The following ERC1 variants were observed in gnomAD, a reference collection of about 807,000 sequenced individuals.
The protein encoded by ERC1 is RAB6 interacting protein 2.
Under a neutral mutation model 132.0 loss-of-function variants are expected in ERC1, and 56 were observed. The observed-to-expected ratio is 0.42, with a 90% CI of 0.34 to 0.53. ERC1 has a LOEUF of 0.53. Among genes scored for constraint, ERC1 ranks in the 20% least tolerant of loss-of-function variants. The pLI, the probability that ERC1 is intolerant of heterozygous loss-of-function variation, is 0.03. For missense variants in ERC1, 1,202 were observed against 1,349.9 expected (o/e 0.89, Z 1.72); for synonymous variants, 478 against 476.1 (o/e 1.00, Z -0.05).
intron 2 of ERC1, among the ~76,000 whole-genome samples, chr12:1,075,803 G>A (rs1327936238): frequency 6.6e-6 from 1 of 152,158 alleles, no homozygotes; most frequent in Admixed American, 6.5e-5. Context: ...GGACCATCAC[G>A]AAGATCTTCA....
At chr12:1,196,968 ATATATATAT>A (rs1956369940) in intron 12 of ERC1, among the ~76,000 whole-genome samples, 1 of 67,378 alleles carries the variant, frequency 1.5e-5, no homozygotes, top group Admixed American at 1.3e-4. Context: ...ACACATATAT[ATATATATAT>A]TTTTTTTTTT....
At chr12:1,297,427 C>T (rs1243934791) in intron 15 of ERC1, among the ~76,000 whole-genome samples, 1 of 151,114 alleles carries the variant, frequency 6.6e-6, no homozygotes, top group Non-Finnish European at 1.5e-5. Flanking sequence ...ATGGGCCGGG[C>T]ACTGTGGCTC....
At chr12:1,309,926 GTTTTC>G (rs574489698) in intron 15 of ERC1, among the ~76,000 whole-genome samples, 253 of 148,710 alleles carry the variant, frequency 1.7e-3, no homozygotes, top group African/African-American at 5.8e-3. Flanking sequence ...GAGGGGATTT[GTTTTC>G]TTTTGTTTTG....
chr12:1,306,894 A>G (rs914608751), intron 15 of ERC1, among the ~76,000 whole-genome samples: 1 of 152,182 alleles, frequency 6.6e-6, no homozygotes, highest in Non-Finnish European at 1.5e-5. Flanking sequence ...TGGATATATC[A>G]CAGGCAAACA....
intron 12 of ERC1, among the ~76,000 whole-genome samples, chr12:1,209,563 G>T (rs1019861226): frequency 6.6e-6 from 1 of 152,080 alleles, no homozygotes; most frequent in Non-Finnish European, 1.5e-5. Flanking sequence ...GCTCTATAAC[G>T]CAACTTGTAT....
intron 8 of ERC1, among the ~76,000 whole-genome samples, chr12:1,142,520 A>G (rs1593657823): frequency 6.6e-6 from 1 of 152,208 alleles, no homozygotes; most frequent in Admixed American, 6.5e-5. Context: ...CTGCTGAGTG[A>G]AAGGATGTGC....
At chr12:1,413,448 G>A (rs1271481730) in intron 17 of ERC1, among the ~76,000 whole-genome samples, 1 of 152,002 alleles carries the variant, frequency 6.6e-6, no homozygotes, top group Non-Finnish European at 1.5e-5. Flanking sequence ...ACAAAAATTA[G>A]CTGGGTGTCA....
At chr12:1,369,068 A>C (rs1215624889) in intron 15 of ERC1, among the ~76,000 whole-genome samples, 2 of 152,210 alleles carry the variant, frequency 1.3e-5, no homozygotes, top group East Asian at 3.8e-4. Flanking sequence ...TAAAAAAAAT[A>C]GCATCAATGA....
In ERC1 at chr12:1,230,466, T is replaced by C. The variant is rs552716613; in HGVS notation, c.2352-6303T>C. On this transcript the variant is annotated intron_variant, in intron 12 of 18. Transcript: ENST00000360905. The stretch of plus-strand genomic sequence containing the variant: ...CATGCTTGATATGATTTTAACATAG[T>C]TGGATTTAACACTTAATTTTGTGGC... Among the ~76,000 whole-genome samples, 6 of 152,336 alleles carry C rather than the reference T, an allele frequency of 3.9e-5. No individual in the cohort carries two copies. In the South Asian group the frequency reaches 1.2e-3, roughly 32 times the overall value.
chr12:1,179,249 C>G (rs1207260751), intron 8 of ERC1, among the ~76,000 whole-genome samples: 1 of 152,104 alleles, frequency 6.6e-6, no homozygotes, highest in Non-Finnish European at 1.5e-5. Context: ...TGCGAGTCCT[C>G]TTAAGTTTTC....
At chr12:1,336,717 C>T (rs1314966165) in intron 15 of ERC1, among the ~76,000 whole-genome samples, 1 of 151,970 alleles carries the variant, frequency 6.6e-6, no homozygotes, top group Admixed American at 6.6e-5. Context: ...AATGTATGTT[C>T]TGTTGCTTTT....
intron 13 of ERC1, among the ~76,000 whole-genome samples, chr12:1,252,248 C>A (rs945059630): frequency 6.6e-6 from 1 of 152,100 alleles, no homozygotes. Context: ...TTTAAGAGAA[C>A]AGAAGCAGGT....
chr12:1,155,440 T>C (rs113441152), intron 8 of ERC1, among the ~76,000 whole-genome samples: 3,817 of 151,474 alleles, frequency 0.025, 61 homozygotes, highest in Middle Eastern at 0.087. Context: ...TCAACCTAAG[T>C]GCCCATCAAC....
chr12:1,201,045 T>C (rs1415070192), intron 12 of ERC1, among the ~76,000 whole-genome samples: 1 of 152,212 alleles, frequency 6.6e-6, no homozygotes, highest in African/African-American at 2.4e-5. Context: ...CGTTTTTCCT[T>C]CTGTAAAAAT....
chr12:1,325,821 T>C (rs746022489), intron 15 of ERC1, among the ~76,000 whole-genome samples: 6 of 152,150 alleles, frequency 3.9e-5, no homozygotes, highest in Non-Finnish European at 8.8e-5. Context: ...ATATAAGATA[T>C]GCACCCGTTT....
intron 18 of ERC1, among the ~76,000 whole-genome samples, chr12:1,464,048 A>G (rs1345989235): frequency 6.6e-6 from 1 of 152,172 alleles, no homozygotes; most frequent in Non-Finnish European, 1.5e-5. Flanking sequence ...GAAAAGAAAG[A>G]GGAAATGGGA....
intron 12 of ERC1, among the ~76,000 whole-genome samples, chr12:1,195,619 T>C (rs1477931147): frequency 6.6e-6 from 1 of 152,172 alleles, no homozygotes; most frequent in Non-Finnish European, 1.5e-5. Context: ...GAACATTATC[T>C]TGTCGGGATG....
At chr12:1,408,530 T>C (rs972778189) in intron 17 of ERC1, among the ~76,000 whole-genome samples, 1 of 152,208 alleles carries the variant, frequency 6.6e-6, no homozygotes, top group Non-Finnish European at 1.5e-5. Flanking sequence ...ACTAATAATA[T>C]GTAATTTTTA....
Position 1,038,368 on chromosome 12 carries a change from C to CTT in ERC1, c.669+9806_669+9807dup, listed in dbSNP as rs139382077. Among the ~76,000 whole-genome samples the CTT allele has an allele frequency of 1.2e-3, 179 of 146,954 alleles. 1 individual carries two copies. In the South Asian group the frequency reaches 0.016, roughly 13 times the overall value. On this transcript the variant is annotated intron_variant, in intron 2 of 18. Transcript: ENST00000360905. Reference sequence around the variant, plus strand: ...TTCACCCTTTAAAGTATAGTTTTTTCTTTTTTTTTTTGAGACGGAGTCTCG... The same window carrying CTT: ...TTCACCCTTTAAAGTATAGTTTTTTCTTTTTTTTTTTTTGAGACGGAGTCTCG...
Sources: allele counts gnomAD v4.1 joint callset (sites outside exome capture counted in the v4.1 genomes callset), GRCh38; gene constraint gnomAD v4.1.1; transcripts MANE v1.5; gene names NCBI Gene and HGNC (gene_info 2026-07-23, HGNC 2026-07-21).